Variants in NUB1 observed in about 807,000 individuals in gnomAD.
NUB1 encodes negative regulator of ubiquitin like proteins 1.
NUB1 carries 41 observed loss-of-function variants against 77.1 expected under a neutral mutation model. The observed-to-expected ratio is 0.53, with a 90% CI of 0.41 to 0.69. NUB1 has a LOEUF of 0.69. NUB1 is among the 30% of genes least tolerant of loss of function. The pLI, the probability that NUB1 is intolerant of heterozygous loss-of-function variation, is 0.00. For missense variants in NUB1, 643 were observed against 743.8 expected (o/e 0.86, Z 1.58); for synonymous variants, 257 against 281.0 (o/e 0.91, Z 0.85).
chr7:151,347,638 T>G (rs1156845555), intron 2 of NUB1, among the ~76,000 whole-genome samples: 1 of 152,158 alleles, frequency 6.6e-6, no homozygotes, highest in East Asian at 1.9e-4. Context: ...ATTTTTAGTT[T>G]TTGTAGAGAC....
Position 151,345,401 on chromosome 7 carries a change from G to A in NUB1, c.52G>A (p.Asp18Asn). 6.2e-7 allele frequency: 1 copy of A among 1,612,952 alleles called. No homozygotes were observed. Among genetic ancestry groups the A allele is most frequent in the East Asian group, 2.2e-5 (1 of 44,766 alleles). Residue 18 changes from aspartate (D) to asparagine (N), a missense_variant, in exon 2 of 15, where the codon GAC becomes AAC. By Grantham distance (23) the Asp-to-Asn change is conservative (BLOSUM62 1). Coordinates refer to ENST00000568733, the MANE Select transcript of NUB1 (RefSeq NM_001243351.2). ...QAKLTQFLRE[D>N]RIQLWKPPYT... is the part of the protein sequence containing the mutation. ...AAAATTGACCCAGTTTTTAAGGGAA[G>A]ACAGGATTCAACTTTGGAAACCTCC... is the stretch of plus-strand genomic sequence containing the variant.
intron 8 of NUB1, chr7:151,360,456 A>T: frequency 2.1e-6 from 1 of 470,172 alleles, no homozygotes; most frequent in South Asian, 4.3e-5. Flanking sequence ...ATTTTCAAGC[A>T]GGTAGGATAT....
intron 11 of NUB1, among the ~76,000 whole-genome samples, chr7:151,373,609 C>G (rs931006414): frequency 9.2e-5 from 14 of 152,212 alleles, no homozygotes; most frequent in Admixed American, 2.0e-4. Flanking sequence ...GGCGGGTCAC[C>G]AGCTTTGGCA....
chr7:151,356,194 C>A lies in NUB1; in HGVS notation c.665C>A (p.Ser222Ter). 1 of 1,613,212 alleles carries A rather than the reference C, an allele frequency of 6.2e-7. No homozygotes were observed. Among genetic ancestry groups the A allele is most frequent in the East Asian group, 2.2e-5 (1 of 44,886 alleles). ...GACATAGCTAACCAGACAGGCAGAT[C>A]AATCAGAATTCCCCCATCAGAAAGA... ...YLDIANQTGR[S>*]IRIPPSERKA... The change falls in exon 7 of 15, where the codon TCA becomes TAA. Residue 222 changes from serine to a stop codon, truncating the protein, a stop_gained. Coordinates refer to ENST00000568733, the MANE Select transcript of NUB1 (RefSeq NM_001243351.2). LOFTEE classifies it high-confidence loss of function.
At chr7:151,347,772 A>G (rs1379210059) in intron 2 of NUB1, among the ~76,000 whole-genome samples, 3 of 152,200 alleles carry the variant, frequency 2.0e-5, no homozygotes, top group Admixed American at 6.5e-5. Context: ...ACTCATATCT[A>G]TAAAGTTTTC....
intron 4 of NUB1, chr7:151,351,983 A>C: frequency 2.5e-6 from 1 of 395,862 alleles, no homozygotes; most frequent in Non-Finnish European, 5.2e-6. Flanking sequence ...CTGGTGGGTT[A>C]TTTCATCTCC....
In NUB1 at chr7:151,368,768, C is replaced by T. The variant is rs1034668838; in HGVS notation, c.1129C>T (p.Pro377Ser). 1.9e-6 allele frequency: 3 copies of T among 1,613,622 alleles called. No individual in the cohort carries two copies. The Admixed American group carries it at 5.0e-5, about 27-fold the overall frequency. ...GCTCTTTAAAGAGCTATATATTGATCCATCAAAAGTGGACAATTTGTTGCA... is the reference window on the plus strand; with the variant it reads ...GCTCTTTAAAGAGCTATATATTGATTCATCAAAAGTGGACAATTTGTTGCA... ...RQLFKELYID[P>S]SKVDNLLQLG... The change falls in exon 11 of 15, where the codon CCA becomes TCA. Residue 377 changes from proline to serine, a missense_variant. By Grantham distance (74) the Pro-to-Ser change is moderately conservative. Transcript: ENST00000568733.
Position 151,349,154 on chromosome 7 carries a change from G to T in NUB1, c.199G>T (p.Ala67Ser), listed in dbSNP as rs774339654. The change falls in exon 3 of 15, where the codon GCA (alanine) becomes TCA (serine). Residue 67 changes from alanine to serine, a missense_variant. Coordinates refer to ENST00000568733, the MANE Select transcript of NUB1 (RefSeq NM_001243351.2). ...GGTAATAGAAGAAATACGTTGCAAG[G>T]CAATTGAGCGTGGAACAGGAAATGA... ...EKVIEEIRCK[A>S]IERGTGNDNY... 1.9e-6 allele frequency: 3 copies of T among 1,613,652 alleles called. No homozygotes were observed. Among genetic ancestry groups the T allele is most frequent in the Non-Finnish European group, 2.5e-6 (3 of 1,179,776 alleles).
intron 1 of NUB1, among the ~76,000 whole-genome samples, chr7:151,342,160 G>A (rs1341624578): frequency 2.0e-5 from 3 of 152,222 alleles, no homozygotes; most frequent in African/African-American, 7.2e-5. Flanking sequence ...TAAAAAATTA[G>A]CCAAATGCTA....
chr7:151,365,285 G>T (rs1225856735), intron 8 of NUB1, among the ~76,000 whole-genome samples: 1 of 148,822 alleles, frequency 6.7e-6, no homozygotes, highest in Non-Finnish European at 1.5e-5. Flanking sequence ...GGTTTTTTGT[G>T]TGTTTGTTCA....
At chr7:151,364,989 A>G (rs1441835453) in intron 8 of NUB1, among the ~76,000 whole-genome samples, 1 of 150,430 alleles carries the variant, frequency 6.6e-6, no homozygotes, top group Non-Finnish European at 1.5e-5. Flanking sequence ...TTTTATTTTT[A>G]TAATTTTTTT....
intron 8 of NUB1, among the ~76,000 whole-genome samples, chr7:151,364,432 CAAAAAAAAACAAA>C (rs775644802): frequency 6.8e-6 from 1 of 146,690 alleles, no homozygotes; most frequent in Non-Finnish European, 1.5e-5. Context: ...AAAACAAAAA[CAAAAAAAAACAAA>C]AAAAAAAACA....
At chr7:151,376,485 T>G in intron 13 of NUB1, 149 bp from the exon 14 acceptor site, 1 of 765,966 alleles carries the variant, frequency 1.3e-6, no homozygotes. Flanking sequence ...ACGCTCACAT[T>G]GCACAGAAGC....
At chr7:151,342,885 G>C (rs1299733042) in intron 1 of NUB1, among the ~76,000 whole-genome samples, 1 of 152,058 alleles carries the variant, frequency 6.6e-6, no homozygotes, top group Non-Finnish European at 1.5e-5. Context: ...ATGTTGACCA[G>C]GCTGGTCTTG....
intron 7 of NUB1, 113 bp from the exon 8 acceptor site, chr7:151,360,028 A>G: frequency 1.8e-6 from 1 of 562,490 alleles, no homozygotes. Flanking sequence ...AGATTGAGTT[A>G]TGATCTTGTT....
chr7:151,352,876 C>G lies in NUB1; in HGVS notation c.409C>G (p.Gln137Glu). Residue 137 changes from glutamine to glutamate, a missense_variant, in exon 5 of 15, where the codon CAA (glutamine) becomes GAA (glutamate). Transcript: ENST00000568733. ...IKIVINKKQL[Q>E]LGKTLEEQGV... ...AATTGTCATAAATAAGAAGCAACTA[C>G]AACTAGGTATGTATGGCAAAGTATG... is the stretch of plus-strand genomic sequence containing the variant. 1 of 1,526,430 alleles carries G rather than the reference C, an allele frequency of 6.6e-7. No homozygotes were observed. Among genetic ancestry groups the G allele is most frequent in the Non-Finnish European group, 9.0e-7 (1 of 1,105,860 alleles). 94.6% of individuals were successfully genotyped at this position (1,526,430 alleles called of 1,614,324 possible). A position where few individuals can be genotyped will look rare whatever the true frequency, so the allele number is the denominator to read the frequency against.
intron 1 of NUB1, among the ~76,000 whole-genome samples, chr7:151,344,932 G>C (rs554666060): frequency 6.6e-6 from 1 of 152,106 alleles, no homozygotes; most frequent in African/African-American, 2.4e-5. Context: ...CCCAGGGGGC[G>C]GAGCTTGCAG....
chr7:151,376,353 C>T (rs1377796929), intron 13 of NUB1: 8 of 494,128 alleles, frequency 1.6e-5, no homozygotes, highest in African/African-American at 5.8e-5. Flanking sequence ...ACTGACCTCG[C>T]GGTGCTCGTG....
chr7:151,355,287 A>G (rs1397323204), intron 5 of NUB1, among the ~76,000 whole-genome samples: 4 of 152,246 alleles, frequency 2.6e-5, no homozygotes, highest in Non-Finnish European at 5.9e-5. Flanking sequence ...TATTGTCGCT[A>G]GCTGATTTTA....
Sources: gnomAD v4.1 joint callset for allele counts (sites outside exome capture counted in the v4.1 genomes callset) on GRCh38, gnomAD v4.1.1 for gene constraint, MANE v1.5 for transcripts, NCBI Gene and HGNC (gene_info 2026-07-23, HGNC 2026-07-21) for gene names.